Variants in CCDC62 observed in about 807,000 individuals in gnomAD.
CCDC62 encodes the protein coiled-coil domain containing 62, also known as coiled-coil domain-containing protein 62.
CCDC62 carries 72 observed loss-of-function variants against 80.8 expected under a neutral mutation model. The ratio of observed to expected loss-of-function variants is 0.89; its 90% CI spans 0.74 to 1.08. CCDC62 has a LOEUF of 1.08. Among genes scored for constraint, CCDC62 ranks in the 50% least tolerant of loss-of-function variants. The probability of loss-of-function intolerance (pLI) is 0.00; values close to 1 mark genes in which losing one functional copy is unlikely to be tolerated. For missense variants in CCDC62, 704 were observed against 809.4 expected (o/e 0.87, Z 1.58); for synonymous variants, 286 against 296.5 (o/e 0.96, Z 0.36).
rs1401266347 is a variant in CCDC62 at position 122,785,699 on chromosome 12, T to A, written c.397-20T>A. On this transcript the variant is annotated intron_variant, in intron 3 of 12. Coordinates refer to ENST00000253079, the MANE Select transcript of CCDC62 (RefSeq NM_201435.5). The stretch of plus-strand genomic sequence containing the variant: ...CTTTAAAAGGACTCAAGCAGTATCA[T>A]CTGTGTTGTTTTCTTGTAGGCTAGA... 6.6e-7 allele frequency: 1 copy of A among 1,517,428 alleles called. No homozygotes were observed. The highest frequency in any genetic ancestry group is 9.2e-7 in the Non-Finnish European group (1 of 1,092,164). 94.0% of individuals were successfully genotyped at this position (1,517,428 alleles called of 1,614,324 possible). A position where few individuals can be genotyped will look rare whatever the true frequency, so the allele number is the denominator to read the frequency against.
At chr12:122,792,176 G>T in intron 6 of CCDC62, 55 bp downstream of exon 6, 3 of 998,600 alleles carry the variant, frequency 3.0e-6, no homozygotes, top group African/African-American at 1.6e-5. Context: ...ATGACAGGCT[G>T]AAGGAATTAT....
At chr12:122,811,605 A>G (rs900392361) in intron 10 of CCDC62, among the ~76,000 whole-genome samples, 1 of 151,390 alleles carries the variant, frequency 6.6e-6, no homozygotes, top group Non-Finnish European at 1.5e-5. Flanking sequence ...GGATCACCTA[A>G]GGTCAGGAGA....
intron 6 of CCDC62, among the ~76,000 whole-genome samples, chr12:122,794,330 G>A (rs2030807758): frequency 1.3e-5 from 2 of 151,984 alleles, no homozygotes; most frequent in East Asian, 1.9e-4. Flanking sequence ...AGGTAGGTGG[G>A]ACCACAGGCA....
intron 11 of CCDC62, among the ~76,000 whole-genome samples, chr12:122,819,414 C>T (rs1450726655): frequency 6.6e-6 from 1 of 152,176 alleles, no homozygotes; most frequent in Non-Finnish European, 1.5e-5. Flanking sequence ...TTCAGTCCTC[C>T]TGTTGGGGAA....
chr12:122,823,307 C>G, intron 11 of CCDC62, 59 bp from the exon 12 acceptor site: 1 of 1,276,128 alleles, frequency 7.8e-7, no homozygotes, highest in Non-Finnish European at 1.1e-6. Flanking sequence ...TGTGTTTAGT[C>G]TTCTTAAGAA....
rs141830796 is a variant in CCDC62, at chr12:122,782,388, T to C, written c.396+1058T>C. Among the ~76,000 whole-genome samples the C allele has an allele frequency of 6.4e-3, 973 of 152,326 alleles. 14 individuals carry two copies. The highest frequency in any genetic ancestry group is 0.017 in the Middle Eastern group (5 of 294). Reference sequence around the variant, plus strand: ...CTACCATTTAATCAACAATGAGTTATTTTAGAAAGCTTTCCTCAAAGATGA... The same window carrying C: ...CTACCATTTAATCAACAATGAGTTACTTTAGAAAGCTTTCCTCAAAGATGA... On this transcript the variant is annotated intron_variant, in intron 3 of 12. Transcript: ENST00000253079.
intron 5 of CCDC62, 142 bp from the exon 6 acceptor site, chr12:122,791,878 T>C: frequency 1.5e-6 from 1 of 645,884 alleles, no homozygotes; most frequent in Non-Finnish European, 2.8e-6. Context: ...GGTGTGGAGA[T>C]GTTGGCTGTG....
intron 9 of CCDC62, among the ~76,000 whole-genome samples, chr12:122,804,332 C>T (rs2031468745): frequency 1.3e-5 from 2 of 152,130 alleles, no homozygotes; most frequent in Admixed American, 6.6e-5. Context: ...ACTAAAAATA[C>T]AAAAATGAGC....
In CCDC62 at chr12:122,813,435, T is replaced by C. The variant is rs764403792; in HGVS notation, c.2001+16T>C. The C allele has an allele frequency of 1.9e-6, 3 of 1,606,492 alleles. No homozygotes were observed. In the South Asian group the frequency reaches 3.3e-5, roughly 18 times the overall value. ...TGCCACAAATGTATGCGTTTCATTT[T>C]CTCTTGACTATATTTGTCACATCCA... is the stretch of plus-strand genomic sequence containing the variant. On this transcript the variant is annotated intron_variant, in intron 11 of 12. Coordinates refer to ENST00000253079, the MANE Select transcript of CCDC62 (RefSeq NM_201435.5).
intron 9 of CCDC62, among the ~76,000 whole-genome samples, chr12:122,803,432 T>C (rs2031417671): frequency 6.6e-6 from 1 of 152,186 alleles, no homozygotes; most frequent in Admixed American, 6.5e-5. Context: ...TGTGTGTGAG[T>C]GTCGTCATAA....
intron 9 of CCDC62, among the ~76,000 whole-genome samples, chr12:122,804,075 G>T (rs10466866): frequency 4.6e-5 from 7 of 152,112 alleles, no homozygotes; most frequent in African/African-American, 1.4e-4. Context: ...AAGAACTTGC[G>T]TACCTACTTT....
At position 122,809,141 on chromosome 12, in the gene CCDC62, C is replaced by T. The variant is rs571769341; in HGVS notation, c.1851+2846C>T. On this transcript the variant is annotated intron_variant, in intron 10 of 12. Coordinates refer to ENST00000253079, the MANE Select transcript of CCDC62 (RefSeq NM_201435.5). Reference sequence around the variant, plus strand: ...TTTATGTCTGTGTAGAATATCCCTTCTTTAATTACTTCTCCAGATTTACCT... The same window carrying T: ...TTTATGTCTGTGTAGAATATCCCTTTTTTAATTACTTCTCCAGATTTACCT... Among the ~76,000 whole-genome samples, 3 of 152,354 alleles carry T rather than the reference C, an allele frequency of 2.0e-5. No individual in the cohort carries two copies. The South Asian group carries it at 6.2e-4, about 32-fold the overall frequency.
intron 3 of CCDC62, among the ~76,000 whole-genome samples, chr12:122,781,667 A>C (rs1306136813): frequency 6.6e-6 from 1 of 151,668 alleles, no homozygotes; most frequent in Non-Finnish European, 1.5e-5. Flanking sequence ...TCCGGGCAAC[A>C]AGAGCGAAAC....
chr12:122,791,957 T>C, intron 5 of CCDC62, 63 bp from the exon 6 acceptor site: 1 of 1,047,400 alleles, frequency 9.5e-7, no homozygotes, highest in Non-Finnish European at 1.5e-6. Context: ...TTAGGCATAG[T>C]GTGTATATGA....
chr12:122,803,337 G>A (rs1044772722), intron 9 of CCDC62, among the ~76,000 whole-genome samples: 2 of 152,010 alleles, frequency 1.3e-5, no homozygotes, highest in Admixed American at 1.3e-4. Context: ...GTAAGTTATT[G>A]GTTTTTTTAA....
chr12:122,793,106 T>C (rs2030727412), intron 6 of CCDC62, among the ~76,000 whole-genome samples: 1 of 152,172 alleles, frequency 6.6e-6, no homozygotes, highest in Non-Finnish European at 1.5e-5. Context: ...CACAGAACAC[T>C]CGCATTAGCC....
rs369994129 is a variant in CCDC62 at position 122,824,393 on chromosome 12, C to T, written c.*40+934C>T. Among the ~76,000 whole-genome samples the T allele has an allele frequency of 2.0e-4, 30 of 150,956 alleles. 1 individual carries two copies. In the South Asian group the frequency reaches 4.5e-3, roughly 22 times the overall value. ...ATTGCACCATTGCACTCCAGCCGGG[C>T]GACAATAATGAGACTCTGTCTCTAA... On this transcript the variant is annotated intron_variant, in intron 12 of 12. Coordinates refer to ENST00000253079, the MANE Select transcript of CCDC62 (RefSeq NM_201435.5).
At chr12:122,809,058 C>G (rs984090141) in intron 10 of CCDC62, among the ~76,000 whole-genome samples, 1 of 152,204 alleles carries the variant, frequency 6.6e-6, no homozygotes, top group Non-Finnish European at 1.5e-5. Flanking sequence ...TTTATAGCTT[C>G]GATTTCAACT....
chr12:122,822,659 C>T (rs538648816), intron 11 of CCDC62, among the ~76,000 whole-genome samples: 2 of 126,462 alleles, frequency 1.6e-5, no homozygotes, highest in South Asian at 2.4e-4. Context: ...CTGTAAGCTC[C>T]GCCTCCCGGG....
Sources: allele counts gnomAD v4.1 joint callset (sites outside exome capture counted in the v4.1 genomes callset), GRCh38; gene constraint gnomAD v4.1.1; transcripts MANE v1.5; gene names NCBI Gene and HGNC (gene_info 2026-07-23, HGNC 2026-07-21).